IQSEC1: variants seen among roughly 807,000 people sequenced by gnomAD.
IQSEC1 encodes IQ motif and Sec7 domain ArfGEF 1.
In IQSEC1, 31 loss-of-function variants were observed where a neutral mutation model predicts 91.0. The observed-to-expected ratio is 0.34, with a 90% CI of 0.26 to 0.46. The LOEUF (loss-of-function observed/expected upper bound fraction) is 0.46, where lower values mean the gene tolerates loss of function less well. Ranked by LOEUF, IQSEC1 falls within the 20% of genes least tolerant of loss-of-function variation. IQSEC1 has a pLI of 1.00. For synonymous variants in IQSEC1, 699 were observed against 662.6 expected (o/e 1.05, Z -0.84); for missense variants, 1,388 against 1,575.6 (o/e 0.88, Z 2.02).
At position 12,978,714 on chromosome 3, in the gene IQSEC1, AAT is replaced by A. The variant is rs1333679106; in HGVS notation, c.24-36851_24-36850del. Among the ~76,000 whole-genome samples the A allele has an allele frequency of 2.2e-3, 323 of 149,732 alleles. 1 individual carries two copies. Among genetic ancestry groups the A allele is most frequent in the African/African-American group, 8.0e-3 (313 of 39,310 alleles). ...AGCGAGGCTCAGTCTCAAAAAAAAA[AAT>A]AAATAAATAAAAAAGAATCTTTGCA... On this transcript the variant is annotated intron_variant, in intron 1 of 13. Transcript: ENST00000613206.
intron 2 of IQSEC1, among the ~76,000 whole-genome samples, chr3:13,146,573 C>A (rs1706901966): frequency 6.6e-6 from 1 of 152,220 alleles, no homozygotes; most frequent in Non-Finnish European, 1.5e-5. Context: ...GGCGCAGTGG[C>A]TCATGCCTGT....
chr3:13,228,202 G>A (rs1694789280), intron 1 of IQSEC1, among the ~76,000 whole-genome samples: 1 of 152,206 alleles, frequency 6.6e-6, no homozygotes, highest in Non-Finnish European at 1.5e-5. Flanking sequence ...GATGACGCGA[G>A]CTAAGAAGTT....
intron 2 of IQSEC1, among the ~76,000 whole-genome samples, chr3:13,134,205 C>A (rs964814829): frequency 1.3e-5 from 2 of 152,206 alleles, no homozygotes; most frequent in South Asian, 2.1e-4. Context: ...AGTTGCCCCT[C>A]GTCAGGGCTG....
At chr3:13,105,340 G>A (rs886539015) in intron 2 of IQSEC1, among the ~76,000 whole-genome samples, 2 of 152,198 alleles carry the variant, frequency 1.3e-5, no homozygotes, top group African/African-American at 4.8e-5. Context: ...GAGGCCTGGA[G>A]TCCAGGGTCC....
chr3:13,127,442 CA>C (rs879741910), intron 2 of IQSEC1, among the ~76,000 whole-genome samples: 13 of 128,674 alleles, frequency 1.0e-4, no homozygotes, highest in South Asian at 3.1e-4. Flanking sequence ...AACAAACAAA[CA>C]AAAAAAAAAA....
At chr3:13,265,663 C>T (rs567996303) in intron 1 of IQSEC1, among the ~76,000 whole-genome samples, 279 of 152,234 alleles carry the variant, frequency 1.8e-3, no homozygotes, top group African/African-American at 6.5e-3. Context: ...AGCCACTGTC[C>T]TCACAATCCA....
At chr3:13,263,672 A>G (rs1224204316) in intron 1 of IQSEC1, among the ~76,000 whole-genome samples, 1 of 152,136 alleles carries the variant, frequency 6.6e-6, no homozygotes, top group East Asian at 1.9e-4. Flanking sequence ...TGAACTCCTG[A>G]CCTCGTGATT....
rs1693735690 is a variant in IQSEC1 at position 12,897,233 on chromosome 3, A to AT, written c.*3749dup. The AT allele has an allele frequency of 6.6e-6, 1 of 152,208 alleles. No individual in the cohort carries two copies. The highest frequency in any genetic ancestry group is 1.5e-5 in the Non-Finnish European group (1 of 68,040). The allele number at this position is 152,208 out of a possible 1,614,324, so 9.4% of individuals were successfully genotyped here. ...AGTGAGAATCCGAGAGTTTCAAAGGATTTATTTGATTTCCCCACATGATCA... is the reference window on the plus strand; with the variant it reads ...AGTGAGAATCCGAGAGTTTCAAAGGATTTTATTTGATTTCCCCACATGATCA... On this transcript the variant is annotated 3_prime_UTR_variant, in exon 14 of 14. Transcript: ENST00000613206.
intron 2 of IQSEC1, among the ~76,000 whole-genome samples, chr3:13,144,063 A>G (rs1267033087): frequency 6.6e-6 from 1 of 152,194 alleles, no homozygotes; most frequent in African/African-American, 2.4e-5. Flanking sequence ...ACAGACTCCA[A>G]ACAAGGCTTT....
chr3:13,155,291 A>G (rs1707068155), intron 2 of IQSEC1, among the ~76,000 whole-genome samples: 1 of 152,230 alleles, frequency 6.6e-6, no homozygotes, highest in African/African-American at 2.4e-5. Context: ...TCAGAAGTGA[A>G]AGTTAGAATT....
At chr3:13,091,112 G>A (rs1199136800) in intron 2 of IQSEC1, among the ~76,000 whole-genome samples, 1 of 152,258 alleles carries the variant, frequency 6.6e-6, no homozygotes, top group East Asian at 1.9e-4. Context: ...AAGACTTCTC[G>A]TCACTCCGGT....
At chr3:12,991,659 A>C (rs1701998232) in intron 1 of IQSEC1, among the ~76,000 whole-genome samples, 3 of 152,240 alleles carry the variant, frequency 2.0e-5, no homozygotes, top group Admixed American at 2.0e-4. Flanking sequence ...AGTGATGGGC[A>C]GCTTCCTACA....
chr3:13,026,380 A>G (rs1703613594), intron 1 of IQSEC1, among the ~76,000 whole-genome samples: 1 of 152,182 alleles, frequency 6.6e-6, no homozygotes, highest in Non-Finnish European at 1.5e-5. Flanking sequence ...GTAGTGACCC[A>G]TGTTTCCTAC....
chr3:12,915,468 G>A lies in IQSEC1; in HGVS notation c.2160+126C>T, dbSNP rs533771111. Reference sequence around the variant, plus strand: ...GACACTCGAAAAAACCCCAAGCCCTGGCAGAATTCACCAGCCCTGCTGGAA... The same window carrying A: ...GACACTCGAAAAAACCCCAAGCCCTAGCAGAATTCACCAGCCCTGCTGGAA... On this transcript the variant is annotated intron_variant, in intron 7 of 13. Coordinates refer to ENST00000613206, the MANE Select transcript of IQSEC1 (RefSeq NM_001134382.3). The A allele has an allele frequency of 2.3e-5, 24 of 1,035,344 alleles. 1 individual carries two copies. Among genetic ancestry groups the A allele is most frequent in the African/African-American group, 2.1e-4 (13 of 62,462 alleles). 64.1% of individuals were successfully genotyped at this position (1,035,344 alleles called of 1,614,324 possible).
intron 1 of IQSEC1, among the ~76,000 whole-genome samples, chr3:12,982,493 T>C (rs1701513786): frequency 6.6e-6 from 1 of 152,248 alleles, no homozygotes; most frequent in African/African-American, 2.4e-5. Context: ...CTGCTTGTTG[T>C]TATTTAAATG....
intron 2 of IQSEC1, among the ~76,000 whole-genome samples, chr3:13,082,718 C>G (rs1012654912): frequency 1.3e-5 from 2 of 152,180 alleles, no homozygotes; most frequent in Non-Finnish European, 2.9e-5. Flanking sequence ...CTGACCATGT[C>G]GTAGCTCTGG....
Position 12,992,009 on chromosome 3 carries a change from G to A in IQSEC1, c.24-50144C>T, listed in dbSNP as rs1702012803. On this transcript the variant is annotated intron_variant, in intron 1 of 13. Coordinates refer to ENST00000613206, the MANE Select transcript of IQSEC1 (RefSeq NM_001134382.3). The surrounding 1 kb of genome is among the most constrained non-coding windows in gnomAD (Gnocchi z 4.1). ...AGATTACCTAATGTTTGCAAACCGT[G>A]CAGGAGACAGTCCCCTGCAGAGGTG... Among the ~76,000 whole-genome samples, 1 of 152,126 alleles carries A rather than the reference G, an allele frequency of 6.6e-6. No individual in the cohort carries two copies. Among genetic ancestry groups the A allele is most frequent in the Admixed American group, 6.5e-5 (1 of 15,284 alleles).
Position 12,936,423 on chromosome 3 carries a change from G to A in IQSEC1, c.593C>T (p.Pro198Leu), listed in dbSNP as rs752069173. 6.2e-7 allele frequency: 1 copy of A among 1,600,060 alleles called. No individual in the cohort carries two copies. ...GGGCTCGCTGAGGTCACCACACTCAGGGGACACCAGGGCTCCCAGCTGGGA... is the reference window on the plus strand; with the variant it reads ...GGGCTCGCTGAGGTCACCACACTCAAGGGACACCAGGGCTCCCAGCTGGGA... The part of the protein sequence containing the change: ...DGSQLGALVS[P>L]ECGDLSEPTT... Residue 198 changes from proline (P) to leucine (L), a missense_variant, in exon 3 of 14, where the codon CCT becomes CTT. By Grantham distance (98) the Pro-to-Leu change is moderately conservative (BLOSUM62 -3). Transcript: ENST00000613206.
chr3:13,170,885 G>T (rs968108902), intron 1 of IQSEC1, among the ~76,000 whole-genome samples: 23 of 152,050 alleles, frequency 1.5e-4, no homozygotes. Flanking sequence ...GGATCACGAG[G>T]TCAAGAGTTC....
Sources: allele counts gnomAD v4.1 joint callset (sites outside exome capture counted in the v4.1 genomes callset), GRCh38; gene constraint gnomAD v4.1.1; non-coding constraint Gnocchi (gnomAD v3.1); transcripts MANE v1.5; gene names NCBI Gene and HGNC (gene_info 2026-07-23, HGNC 2026-07-21).